Variants in CERS2 observed in about 807,000 individuals in gnomAD.
CERS2 encodes the protein ceramide synthase 2, also known as LAG1 homolog, ceramide synthase 2.
A neutral mutation model predicts 56.6 loss-of-function variants in CERS2; 20 were observed. That is an observed-to-expected ratio of 0.35 (90% CI 0.25 to 0.51). The LOEUF (loss-of-function observed/expected upper bound fraction) is 0.51, where lower values mean the gene tolerates loss of function less well. Ranked by LOEUF, CERS2 falls within the 20% of genes least tolerant of loss-of-function variation. The probability of loss-of-function intolerance (pLI) is 0.96; values close to 1 mark genes in which losing one functional copy is unlikely to be tolerated. For synonymous variants in CERS2, 187 were observed against 175.4 expected (o/e 1.07, Z -0.52); for missense variants, 361 against 488.6 (o/e 0.74, Z 2.46).
chr1:150,974,823 C>G lies in CERS2; in HGVS notation c.-206G>C, dbSNP rs1234294287. 1.3e-5 allele frequency: 2 copies of G among 152,672 alleles called. No homozygotes were observed. Among genetic ancestry groups the G allele is most frequent in the Non-Finnish European group, 2.9e-5 (2 of 68,066 alleles). 9.5% of individuals were successfully genotyped at this position (152,672 alleles called of 1,614,324 possible). On this transcript the variant is annotated 5_prime_UTR_variant, in exon 1 of 11. Transcript: ENST00000368954. ...CCGCCGAGCCCAGTCGAGCTGAGCC[C>G]GAGCCCAGCCGGGAAAAAAAGGCCG...
At chr1:150,968,548 T>A (rs370586410) in intron 2 of CERS2, 36 bp from the exon 3 acceptor site, 57 of 1,515,246 alleles carry the variant, frequency 3.8e-5, no homozygotes, top group Admixed American at 1.0e-4. Context: ...TCTAGCTTGC[T>A]GGGAAGGGAA....
chr1:150,968,790 G>T, intron 2 of CERS2, 128 bp downstream of exon 2: 1 of 915,722 alleles, frequency 1.1e-6, no homozygotes, highest in Non-Finnish European at 1.7e-6. Flanking sequence ...GGGGTGCACA[G>T]TGGGCAGGAA....
intron 1 of CERS2, chr1:150,971,988 C>A (rs777863399): frequency 1.8e-5 from 8 of 456,138 alleles, no homozygotes; most frequent in South Asian, 7.9e-5. Flanking sequence ...TCTAGTCAGG[C>A]GGCAGGCTGG....
intron 1 of CERS2, chr1:150,969,439 G>T: frequency 4.5e-6 from 1 of 222,978 alleles, no homozygotes; most frequent in Admixed American, 5.2e-5. Flanking sequence ...GCTGGGTGTG[G>T]TGGCGGGCGC....
intron 9 of CERS2, 53 bp from the exon 10 acceptor site, chr1:150,966,682 G>A: frequency 6.2e-7 from 1 of 1,606,734 alleles, no homozygotes; most frequent in Non-Finnish European, 8.5e-7. Flanking sequence ...AGACACCGGG[G>A]AGATACAGGA....
intron 8 of CERS2, 99 bp from the exon 9 acceptor site, chr1:150,966,961 C>G: frequency 6.8e-7 from 1 of 1,471,174 alleles, no homozygotes; most frequent in Non-Finnish European, 9.5e-7. Flanking sequence ...GTGCCCTCCT[C>G]CTTGGTCCCA....
intron 1 of CERS2, 107 bp from the exon 2 acceptor site, chr1:150,969,198 T>A: frequency 1.1e-6 from 1 of 914,188 alleles, no homozygotes; most frequent in Non-Finnish European, 1.7e-6. Flanking sequence ...GGGCAGAGAG[T>A]CGAACTCTAG....
At chr1:150,973,348 G>A (rs962685564) in intron 1 of CERS2, among the ~76,000 whole-genome samples, 3 of 152,246 alleles carry the variant, frequency 2.0e-5, no homozygotes, top group Non-Finnish European at 4.4e-5. Flanking sequence ...GGCCCCAGGG[G>A]CAGGGAGACG....
intron 1 of CERS2, among the ~76,000 whole-genome samples, chr1:150,970,731 T>C (rs1421167762): frequency 6.6e-6 from 1 of 152,210 alleles, no homozygotes; most frequent in Non-Finnish European, 1.5e-5. Context: ...TTGCCCAGAC[T>C]GGTCTTGAAC....
intron 2 of CERS2, 144 bp downstream of exon 2, chr1:150,968,772 CAG>C: frequency 1.3e-6 from 1 of 794,772 alleles, no homozygotes; most frequent in East Asian, 2.5e-5. Context: ...ATGGTGCCTT[CAG>C]GGGAGGGGGT....
chr1:150,966,842 G>A lies in CERS2; in HGVS notation c.762C>T (p.Tyr254=), dbSNP rs9435954. 3.8e-3 allele frequency: 6,109 copies of A among 1,613,740 alleles called. 225 individuals are homozygous for A. The African/African-American group carries it at 0.07, about 18-fold the overall frequency. The change falls in exon 9 of 11, where the codon TAC becomes TAT. Residue 254 remains tyrosine (Y), a synonymous_variant. Coordinates refer to ENST00000368954, the MANE Select transcript of CERS2 (RefSeq NM_022075.5). Reference sequence around the variant, plus strand: ...TGTTGCAGGTGTTCTTCCATCCCGCGTAGTTAAACATCTTGGCTGACTGCA... The same window carrying A: ...TGTTGCAGGTGTTCTTCCATCCCGCATAGTTAAACATCTTGGCTGACTGCA... ...YLLESAKMFN[Y]AGWKNTCNNI...
intron 7 of CERS2, 50 bp from the exon 8 acceptor site, chr1:150,967,252 A>G: frequency 1.9e-6 from 3 of 1,600,996 alleles, no homozygotes; most frequent in Non-Finnish European, 1.7e-6. Flanking sequence ...CCCAGCTCTC[A>G]CTATGCCTTC....
At chr1:150,972,422 A>G (rs1671205031) in intron 1 of CERS2, among the ~76,000 whole-genome samples, 1 of 152,126 alleles carries the variant, frequency 6.6e-6, no homozygotes, top group South Asian at 2.1e-4. Flanking sequence ...CCACAGAACC[A>G]AAGAGTTGGG....
intron 3 of CERS2, 32 bp downstream of exon 3, chr1:150,968,363 T>C: frequency 1.9e-6 from 3 of 1,570,534 alleles, no homozygotes; most frequent in South Asian, 1.1e-5. Context: ...AACTCAGTGA[T>C]TCCCAGAGCC....
At position 150,968,216 on chromosome 1, in the gene CERS2, G is replaced by T; in HGVS notation, c.292-15C>A. ...TCTACTTCCACCTGGGCACAGTGAA[G>T]AAGCCCATTGTTATGTTTACCTTCG... On this transcript the variant is annotated splice_polypyrimidine_tract_variant and intron_variant, in intron 3 of 10. Coordinates refer to ENST00000368954, the MANE Select transcript of CERS2 (RefSeq NM_022075.5). The T allele has an allele frequency of 6.2e-7, 1 of 1,606,486 alleles. No homozygotes were observed.
intron 9 of CERS2, 23 bp downstream of exon 9, chr1:150,966,733 G>A: frequency 6.2e-7 from 1 of 1,605,618 alleles, no homozygotes; most frequent in Non-Finnish European, 8.5e-7. Flanking sequence ...CAGAACAGGA[G>A]TGTAGCCTAG....
intron 4 of CERS2, 59 bp downstream of exon 4, chr1:150,968,024 C>T: frequency 2.0e-6 from 3 of 1,523,236 alleles, no homozygotes; most frequent in East Asian, 4.5e-5. Context: ...GCCTATCCCT[C>T]CCAGCAAGAC....
At position 150,966,005 on chromosome 1, in the gene CERS2, G is replaced by A. The variant is rs909389637; in HGVS notation, c.*143C>T. On this transcript the variant is annotated 3_prime_UTR_variant, in exon 11 of 11. Transcript: ENST00000368954. ...TAGAATTTGGTTTAAAGGCAACTGG[G>A]TGACAAGCAAGGAGGGAGGATGCAG... 3 of 890,768 alleles carry A rather than the reference G, an allele frequency of 3.4e-6. No individual in the cohort carries two copies. The highest frequency in any genetic ancestry group is 5.0e-6 in the Non-Finnish European group (3 of 601,706). The allele number at this position is 890,768 out of a possible 1,614,324, so 55.2% of individuals were successfully genotyped here. A position where few individuals can be genotyped will look rare whatever the true frequency, so the allele number is the denominator to read the frequency against.
chr1:150,968,635 C>CTGGAGGCTAG, intron 2 of CERS2, 123 bp from the exon 3 acceptor site: 1 of 819,456 alleles, frequency 1.2e-6, no homozygotes, highest in Non-Finnish European at 2.0e-6. Flanking sequence ...CTCTAGCCTC[C>CTGGAGGCTAG]AGGGCTGCCC....
Sources: gnomAD v4.1 joint callset for allele counts (sites outside exome capture counted in the v4.1 genomes callset) on GRCh38, gnomAD v4.1.1 for gene constraint, MANE v1.5 for transcripts, NCBI Gene and HGNC (gene_info 2026-07-23, HGNC 2026-07-21) for gene names.